AQR: variants seen among roughly 807,000 people sequenced by gnomAD.
AQR encodes RNA helicase aquarius.
In AQR, 61 loss-of-function variants were observed where a neutral mutation model predicts 180.5. The observed-to-expected ratio is 0.34, with a 90% CI of 0.28 to 0.42. The LOEUF is 0.42. Among genes scored for constraint, AQR ranks in the 10% least tolerant of loss-of-function variants. The probability of loss-of-function intolerance (pLI) is 1.00; values close to 1 mark genes in which losing one functional copy is unlikely to be tolerated. For synonymous variants in AQR, 551 were observed against 588.8 expected (o/e 0.94, Z 0.93); for missense variants, 1,281 against 1,798.3 (o/e 0.71, Z 5.20).
At chr15:34,944,177 T>C (rs1894073455) in intron 6 of AQR, 111 bp downstream of exon 6, 1 of 1,025,884 alleles carries the variant, frequency 9.7e-7, no homozygotes, top group Non-Finnish European at 1.4e-6. Flanking sequence ...ATTATCCTTA[T>C]TGCCTGCTAT....
intron 27 of AQR, among the ~76,000 whole-genome samples, chr15:34,880,566 GA>G (rs909555807): frequency 1.3e-5 from 2 of 151,860 alleles, no homozygotes; most frequent in South Asian, 2.1e-4. Flanking sequence ...ATTCCAGAAA[GA>G]AAAAAAAATT....
At chr15:34,910,408 C>G in intron 16 of AQR, 95 bp from the exon 17 acceptor site, 1 of 1,335,574 alleles carries the variant, frequency 7.5e-7, no homozygotes, top group Non-Finnish European at 1.0e-6. Flanking sequence ...TACTGTTCAG[C>G]TAGTATTTAA....
At position 34,934,352 on chromosome 15, in the gene AQR, A is replaced by T. The variant is rs146837059; in HGVS notation, c.783+219T>A. On this transcript the variant is annotated intron_variant, in intron 10 of 34. Transcript: ENST00000156471. ...TATATAATACATATGTATATAATAAATATATACATATTTACCTTTAATATA... is the reference window on the plus strand; with the variant it reads ...TATATAATACATATGTATATAATAATTATATACATATTTACCTTTAATATA... Among the ~76,000 whole-genome samples the T allele has an allele frequency of 2.9e-3, 433 of 148,290 alleles. 2 individuals are homozygous for T. Among genetic ancestry groups the T allele is most frequent in the East Asian group, 0.025 (128 of 5,124 alleles).
At chr15:34,895,187 A>AAT (rs1180797707) in intron 22 of AQR, among the ~76,000 whole-genome samples, 229 of 12,944 alleles carry the variant, frequency 0.018, 4 homozygotes, top group East Asian at 0.03. Flanking sequence ...AAAAAAAAAA[A>AAT]ATATATATAT....
At chr15:34,900,886 A>C (rs1349907088) in intron 19 of AQR, 23 bp from the exon 20 acceptor site, 1 of 1,563,386 alleles carries the variant, frequency 6.4e-7, no homozygotes, top group South Asian at 1.2e-5. Context: ...GGACAGAAAA[A>C]GATTGTGTCA....
intron 24 of AQR, among the ~76,000 whole-genome samples, chr15:34,888,206 G>A (rs535296159): frequency 1.3e-5 from 2 of 151,964 alleles, no homozygotes; most frequent in Admixed American, 6.6e-5. Flanking sequence ...GCTGAGGCAT[G>A]AGAATCCCTT....
chr15:34,874,652 T>A, intron 29 of AQR, 25 bp downstream of exon 29: 1 of 1,610,846 alleles, frequency 6.2e-7, no homozygotes, highest in East Asian at 2.2e-5. Flanking sequence ...TAAATGGGAA[T>A]GATTTTTTTT....
Position 34,866,060 on chromosome 15 carries a change from C to G in AQR, c.3854+1464G>C, listed in dbSNP as rs544592245. ...TAAATTGTATACGCAAATTACAACT[C>G]AATAATGTTATCAAAAAAATGAAAT... On this transcript the variant is annotated intron_variant, in intron 32 of 34. Coordinates refer to ENST00000156471, the MANE Select transcript of AQR (RefSeq NM_014691.3). Among the ~76,000 whole-genome samples, 3 of 152,088 alleles carry G rather than the reference C, an allele frequency of 2.0e-5. No individual in the cohort carries two copies. The South Asian group carries it at 6.2e-4, about 32-fold the overall frequency.
rs558478403 is a variant in AQR at position 34,856,284 on chromosome 15, T to C, written c.*508A>G. 8.8e-6 allele frequency: 3 copies of C among 340,626 alleles called. No homozygotes were observed. Among genetic ancestry groups the C allele is most frequent in the Admixed American group, 9.5e-5 (2 of 21,084 alleles). 21.1% of individuals were successfully genotyped at this position (340,626 alleles called of 1,614,324 possible). A position where few individuals can be genotyped will look rare whatever the true frequency, so the allele number is the denominator to read the frequency against. On this transcript the variant is annotated 3_prime_UTR_variant, in exon 35 of 35. Transcript: ENST00000156471. ...AGAGAAGGAAATGCATGTAACCACT[T>C]TGATAGATTGAAGAAACCTGTATCT...
intron 9 of AQR, among the ~76,000 whole-genome samples, chr15:34,935,126 A>G (rs1045172936): frequency 6.6e-6 from 1 of 152,062 alleles, no homozygotes; most frequent in African/African-American, 2.4e-5. Context: ...AATTTTTATT[A>G]TTTTTTTCCA....
intron 25 of AQR, among the ~76,000 whole-genome samples, chr15:34,885,439 C>G (rs1893044525): frequency 6.6e-6 from 1 of 152,094 alleles, no homozygotes; most frequent in Admixed American, 6.5e-5. Flanking sequence ...ATGTGGATTC[C>G]TGGATTCCAC....
At chr15:34,957,810 A>T (rs1050601146) in intron 3 of AQR, among the ~76,000 whole-genome samples, 4 of 151,474 alleles carry the variant, frequency 2.6e-5, no homozygotes, top group East Asian at 1.9e-4. Context: ...CAAAAAAATT[A>T]AAAAATAATA....
At chr15:34,916,523 T>C (rs1893590733) in intron 15 of AQR, among the ~76,000 whole-genome samples, 1 of 152,110 alleles carries the variant, frequency 6.6e-6, no homozygotes, top group African/African-American at 2.4e-5. Flanking sequence ...CTCTGACTTG[T>C]AATCTAACTC....
intron 26 of AQR, 42 bp from the exon 27 acceptor site, chr15:34,882,681 G>A (rs1446604168): frequency 7.6e-6 from 12 of 1,579,496 alleles, no homozygotes; most frequent in South Asian, 7.1e-5. Context: ...TTAGGAAAAC[G>A]GAGTTTTGCA....
intron 27 of AQR, among the ~76,000 whole-genome samples, chr15:34,880,872 G>A (rs1423860015): frequency 6.6e-6 from 1 of 152,134 alleles, no homozygotes; most frequent in Non-Finnish European, 1.5e-5. Flanking sequence ...TAAATGGGAC[G>A]GATGAGCAGA....
chr15:34,948,463 A>G, intron 4 of AQR, 79 bp from the exon 5 acceptor site: 1 of 1,476,812 alleles, frequency 6.8e-7, no homozygotes, highest in Admixed American at 2.2e-5. Context: ...AGAAAAGCAT[A>G]ATTATTTACA....
intron 23 of AQR, among the ~76,000 whole-genome samples, chr15:34,893,345 C>T (rs116441620): frequency 0.015 from 2,229 of 152,082 alleles, 61 homozygotes; most frequent in African/African-American, 0.051. Flanking sequence ...ATGGTCACTG[C>T]GTGATGGGGA....
At chr15:34,874,214 T>C (rs1892861156) in intron 29 of AQR, 2 of 433,326 alleles carry the variant, frequency 4.6e-6, no homozygotes, top group Non-Finnish European at 8.0e-6. Flanking sequence ...AAATGAGAGT[T>C]CTATTACGCT....
At chr15:34,958,870 G>C (rs1039596092) in intron 3 of AQR, among the ~76,000 whole-genome samples, 2 of 152,068 alleles carry the variant, frequency 1.3e-5, no homozygotes, top group Non-Finnish European at 2.9e-5. Context: ...TACTTTCAGA[G>C]AGAATTTGCC....
Sources: gnomAD v4.1 joint callset for allele counts (sites outside exome capture counted in the v4.1 genomes callset) on GRCh38, gnomAD v4.1.1 for gene constraint, MANE v1.5 for transcripts, NCBI Gene and HGNC (gene_info 2026-07-23, HGNC 2026-07-21) for gene names.